The following NT5C2 variants were observed in gnomAD, a reference collection of about 807,000 sequenced individuals.
NT5C2 encodes cytosolic purine 5'-nucleotidase.
A neutral mutation model predicts 76.1 loss-of-function variants in NT5C2; 58 were observed. That is an observed-to-expected ratio of 0.76 (90% CI 0.62 to 0.95). The LOEUF is 0.95. Among genes scored for constraint, NT5C2 ranks in the 40% least tolerant of loss-of-function variants. The pLI, the probability that NT5C2 is intolerant of heterozygous loss-of-function variation, is 0.00. For missense variants in NT5C2, 478 were observed against 690.3 expected, an observed-to-expected ratio of 0.69 and a Z score of 3.45; for synonymous variants, 229 against 237.4, an observed-to-expected ratio of 0.96 and a Z score of 0.32.
Position 103,177,778 on chromosome 10 carries a change from A to T in NT5C2, c.-24-2796T>A, listed in dbSNP as rs527813513. On this transcript the variant is annotated intron_variant, in intron 2 of 18. Coordinates refer to ENST00000404739, the MANE Select transcript of NT5C2 (RefSeq NM_001351169.2). ...TATATAAATCACCTCTGTGGCTTTT[A>T]AAAAAATAATTTATTCAGGGGAAAT... is the stretch of plus-strand genomic sequence containing the variant. Among the ~76,000 whole-genome samples the T allele has an allele frequency of 2.3e-3, 350 of 152,282 alleles. 1 individual carries two copies. Among genetic ancestry groups the T allele is most frequent in the African/African-American group, 7.9e-3 (330 of 41,564 alleles).
intron 6 of NT5C2, among the ~76,000 whole-genome samples, chr10:103,104,433 T>G (rs2135204978): frequency 6.6e-6 from 1 of 152,344 alleles, no homozygotes; most frequent in East Asian, 1.9e-4. Flanking sequence ...TGGTTCATCT[T>G]CATTGAGATT....
At chr10:103,101,006 A>C (rs967412314) in intron 8 of NT5C2, 39 bp downstream of exon 8, 7 of 1,143,560 alleles carry the variant, frequency 6.1e-6, no homozygotes, top group Admixed American at 1.8e-5. Flanking sequence ...ATTAATTTTA[A>C]AAATCAATTG....
At chr10:103,160,864 T>C (rs1341773720) in intron 3 of NT5C2, among the ~76,000 whole-genome samples, 2 of 151,996 alleles carry the variant, frequency 1.3e-5, no homozygotes, top group Non-Finnish European at 2.9e-5. Context: ...AATACAAAAA[T>C]TAGCTGTGCG....
chr10:103,128,090 T>C (rs2077047831), intron 4 of NT5C2, among the ~76,000 whole-genome samples: 1 of 134,774 alleles, frequency 7.4e-6, no homozygotes, highest in East Asian at 2.5e-4. Flanking sequence ...CCTCTCCCTC[T>C]GTCTCCCTCT....
chr10:103,162,992 C>T (rs575778517), intron 3 of NT5C2, among the ~76,000 whole-genome samples: 60 of 152,294 alleles, frequency 3.9e-4, no homozygotes, highest in African/African-American at 1.3e-3. Flanking sequence ...CTAATGTGTT[C>T]TCCCCATCAC....
chr10:103,152,091 A>C (rs956110466), intron 3 of NT5C2, among the ~76,000 whole-genome samples: 1 of 152,222 alleles, frequency 6.6e-6, no homozygotes, highest in Non-Finnish European at 1.5e-5. Flanking sequence ...AATTCATCTT[A>C]AATCTACAAA....
chr10:103,091,137 C>T (rs184487866), intron 16 of NT5C2, 141 bp from the exon 17 acceptor site: 45 of 701,444 alleles, frequency 6.4e-5, no homozygotes, highest in African/African-American at 4.1e-4. Flanking sequence ...CAGCTTCAAG[C>T]GATTCTCCTG....
intron 9 of NT5C2, 44 bp downstream of exon 9, chr10:103,099,882 T>C (rs1418614253): frequency 8.1e-7 from 1 of 1,228,140 alleles, no homozygotes; most frequent in Non-Finnish European, 1.2e-6. Flanking sequence ...CGCCATAAAA[T>C]ACATGCCAGA....
At chr10:103,160,116 A>G (rs2084459173) in intron 3 of NT5C2, among the ~76,000 whole-genome samples, 1 of 152,236 alleles carries the variant, frequency 6.6e-6, no homozygotes, top group Non-Finnish European at 1.5e-5. Context: ...GATACTTGAC[A>G]TGGGTGCCAA....
intron 4 of NT5C2, among the ~76,000 whole-genome samples, chr10:103,120,037 T>A (rs2075343169): frequency 6.6e-6 from 1 of 151,686 alleles, no homozygotes; most frequent in Non-Finnish European, 1.5e-5. Flanking sequence ...AGGCAGAGGT[T>A]GCAGTGAGCT....
intron 3 of NT5C2, among the ~76,000 whole-genome samples, chr10:103,165,682 T>G (rs548845826): frequency 6.6e-6 from 1 of 151,424 alleles, no homozygotes; most frequent in Non-Finnish European, 1.5e-5. Flanking sequence ...AGAATTTTTT[T>G]TTTTTTGAGA....
At chr10:103,126,169 AG>A (rs1408113778) in intron 4 of NT5C2, among the ~76,000 whole-genome samples, 3 of 152,238 alleles carry the variant, frequency 2.0e-5, no homozygotes, top group Non-Finnish European at 2.9e-5. Flanking sequence ...TAATTAAGGG[AG>A]AAAGAGGCCT....
intron 4 of NT5C2, among the ~76,000 whole-genome samples, chr10:103,108,755 G>C (rs1463469574): frequency 2.6e-5 from 4 of 152,028 alleles, no homozygotes; most frequent in Non-Finnish European, 5.9e-5. Context: ...AGTCTCATCA[G>C]AACAATGCCA....
intron 6 of NT5C2, among the ~76,000 whole-genome samples, chr10:103,102,279 T>C (rs1455057243): frequency 6.6e-6 from 1 of 152,116 alleles, no homozygotes; most frequent in Non-Finnish European, 1.5e-5. Flanking sequence ...TGAGGCTTAA[T>C]CTCTCTTGCA....
intron 3 of NT5C2, among the ~76,000 whole-genome samples, chr10:103,167,050 C>G (rs1285289159): frequency 2.7e-5 from 4 of 148,754 alleles, no homozygotes; most frequent in Non-Finnish European, 6.0e-5. Context: ...CAGTCTCGCT[C>G]TGTCACCCAG....
intron 4 of NT5C2, among the ~76,000 whole-genome samples, chr10:103,136,398 A>C (rs899922274): frequency 4.6e-5 from 7 of 152,232 alleles, no homozygotes; most frequent in Admixed American, 1.3e-4. Flanking sequence ...AACAGATGTG[A>C]ATGACAGAAT....
chr10:103,127,363 T>C (rs1274961607), intron 4 of NT5C2, among the ~76,000 whole-genome samples: 1 of 152,204 alleles, frequency 6.6e-6, no homozygotes, highest in Non-Finnish European at 1.5e-5. Flanking sequence ...TAGTCTTACA[T>C]AGAAATCCTG....
intron 12 of NT5C2, 111 bp downstream of exon 12, chr10:103,095,828 G>C: frequency 1.1e-6 from 1 of 886,448 alleles, no homozygotes; most frequent in Non-Finnish European, 1.8e-6. Context: ...GGCTTAAAAA[G>C]TAGGACTTTT....
intron 4 of NT5C2, among the ~76,000 whole-genome samples, chr10:103,129,480 G>T (rs1281213703): frequency 2.4e-4 from 28 of 117,210 alleles, no homozygotes; most frequent in Admixed American, 8.1e-4. Context: ...GAGATGGGGG[G>T]GTCAGCCCCC....
Sources: allele counts gnomAD v4.1 joint callset (sites outside exome capture counted in the v4.1 genomes callset), GRCh38; gene constraint gnomAD v4.1.1; transcripts MANE v1.5; gene names NCBI Gene and HGNC (gene_info 2026-07-23, HGNC 2026-07-21).